GKAP1: variants seen among roughly 807,000 people sequenced by gnomAD.
GKAP1 encodes G kinase anchoring protein 1.
GKAP1 carries 31 observed loss-of-function variants against 56.7 expected under a neutral mutation model. The observed-to-expected ratio is 0.55, with a 90% CI of 0.41 to 0.74. The LOEUF (loss-of-function observed/expected upper bound fraction) is 0.74. Among genes scored for constraint, GKAP1 ranks in the 30% least tolerant of loss-of-function variants. The probability of loss-of-function intolerance (pLI) is 0.00; values close to 1 mark genes in which losing one functional copy is unlikely to be tolerated. For missense variants in GKAP1, 364 were observed against 402.3 expected (o/e 0.90, Z 0.82); for synonymous variants, 151 against 138.6 (o/e 1.09, Z -0.63).
At chr9:83,786,735 T>G (rs946444703) in intron 5 of GKAP1, among the ~76,000 whole-genome samples, 1 of 152,190 alleles carries the variant, frequency 6.6e-6, no homozygotes. Context: ...AAGAAGTTCC[T>G]CCCTTCTCTT....
At chr9:83,752,314 G>A (rs534399290) in intron 9 of GKAP1, among the ~76,000 whole-genome samples, 1 of 152,184 alleles carries the variant, frequency 6.6e-6, no homozygotes, top group African/African-American at 2.4e-5. Context: ...TACTTGGGAG[G>A]CTGAGGCAGG....
At chr9:83,793,135 T>A (rs1944190162) in intron 4 of GKAP1, 2 of 250,962 alleles carry the variant, frequency 8.0e-6, no homozygotes, top group South Asian at 5.7e-5. Flanking sequence ...TAACATTTTT[T>A]AAAAATTAAT....
At chr9:83,814,834 T>C (rs747922860) in intron 2 of GKAP1, among the ~76,000 whole-genome samples, 3 of 152,252 alleles carry the variant, frequency 2.0e-5, no homozygotes, top group African/African-American at 7.2e-5. Flanking sequence ...AACAAACTAA[T>C]TGCCACAACC....
intron 7 of GKAP1, among the ~76,000 whole-genome samples, chr9:83,773,754 T>C (rs546908322): frequency 1.3e-5 from 2 of 152,314 alleles, no homozygotes; most frequent in South Asian, 2.1e-4. Flanking sequence ...CTTTTTATTA[T>C]GAAAATTTTC....
intron 9 of GKAP1, chr9:83,748,850 G>A (rs1429115530): frequency 1.3e-5 from 2 of 152,138 alleles, no homozygotes; most frequent in Non-Finnish European, 2.9e-5. Flanking sequence ...TGAGAAAAAT[G>A]AATTTTTAAT....
At chr9:83,796,460 C>T (rs1944249335) in intron 4 of GKAP1, among the ~76,000 whole-genome samples, 4 of 152,080 alleles carry the variant, frequency 2.6e-5, no homozygotes, top group Non-Finnish European at 5.9e-5. Flanking sequence ...TTTTAAAATT[C>T]ACCCATCTCA....
intron 3 of GKAP1, among the ~76,000 whole-genome samples, chr9:83,802,365 G>T (rs1411959190): frequency 7.6e-6 from 1 of 131,184 alleles, no homozygotes; most frequent in African/African-American, 3.1e-5. Context: ...TGTAGTCCCA[G>T]CTACTCGAGA....
At chr9:83,742,983 C>T (rs572545371) in intron 10 of GKAP1, among the ~76,000 whole-genome samples, 2 of 152,068 alleles carry the variant, frequency 1.3e-5, no homozygotes, top group Admixed American at 6.5e-5. Context: ...ATGGCAAAAC[C>T]CTGTCTCTAC....
At chr9:83,747,576 T>C (rs879382168) in intron 10 of GKAP1, among the ~76,000 whole-genome samples, 5 of 152,100 alleles carry the variant, frequency 3.3e-5, no homozygotes, top group Non-Finnish European at 7.4e-5. Flanking sequence ...AGTTATAAAC[T>C]GGTATAAAAC....
chr9:83,780,211 A>G (rs1344213009), intron 7 of GKAP1, among the ~76,000 whole-genome samples, 171 bp downstream of exon 7: 3 of 152,020 alleles, frequency 2.0e-5, no homozygotes, highest in African/African-American at 7.2e-5. Flanking sequence ...TTCTACAACA[A>G]TGCATTTTAC....
At chr9:83,764,346 C>A (rs1325490418) in intron 8 of GKAP1, among the ~76,000 whole-genome samples, 1 of 152,142 alleles carries the variant, frequency 6.6e-6, no homozygotes, top group African/African-American at 2.4e-5. Flanking sequence ...GCTCAGCACT[C>A]GTTCTGTCTT....
intron 5 of GKAP1, among the ~76,000 whole-genome samples, chr9:83,787,205 T>C (rs1944079714): frequency 6.6e-6 from 1 of 152,214 alleles, no homozygotes; most frequent in Admixed American, 6.5e-5. Context: ...TCCTTTTCCC[T>C]TGAACTATAA....
intron 4 of GKAP1, among the ~76,000 whole-genome samples, chr9:83,789,764 G>C (rs1944124309): frequency 9.5e-6 from 1 of 105,278 alleles, no homozygotes; most frequent in Admixed American, 1.2e-4. Context: ...GAGAACAAAG[G>C]AAAAGCAGGT....
intron 4 of GKAP1, among the ~76,000 whole-genome samples, chr9:83,797,460 T>A (rs550510995): frequency 6.6e-5 from 10 of 152,224 alleles, no homozygotes; most frequent in African/African-American, 2.4e-4. Context: ...ATATTGTCCA[T>A]CAGTTGCAAG....
chr9:83,746,554 T>A (rs1016808514), intron 10 of GKAP1, among the ~76,000 whole-genome samples: 3 of 152,008 alleles, frequency 2.0e-5, no homozygotes, highest in Admixed American at 1.3e-4. Flanking sequence ...TACAAAAAAA[T>A]TAGCCAGACG....
At chr9:83,778,995 T>C (rs1371441562) in intron 7 of GKAP1, among the ~76,000 whole-genome samples, 1 of 152,042 alleles carries the variant, frequency 6.6e-6, no homozygotes, top group Non-Finnish European at 1.5e-5. Flanking sequence ...TTTGTCTTCT[T>C]TCAAATCAGG....
chr9:83,762,044 G>T (rs899250586), intron 8 of GKAP1, among the ~76,000 whole-genome samples: 19 of 149,108 alleles, frequency 1.3e-4, no homozygotes, highest in Non-Finnish European at 1.0e-4. Flanking sequence ...AGTACTGGAA[G>T]TCCTAGCTAG....
rs1335771618 is a variant in GKAP1, at chr9:83,783,452, C to T, written c.562+1263G>A. On this transcript the variant is annotated intron_variant, in intron 6 of 12. Coordinates refer to ENST00000376371, the MANE Select transcript of GKAP1 (RefSeq NM_025211.4). ...TTTTAATTTTTATTAAATTGCCACACATGAATAGTAGCTACCATACTGTAC... is the reference window on the plus strand; with the variant it reads ...TTTTAATTTTTATTAAATTGCCACATATGAATAGTAGCTACCATACTGTAC... 2.6e-5 allele frequency among the ~76,000 whole-genome samples: 4 copies of T among 152,296 alleles called. No homozygotes were observed. The South Asian group carries it at 6.2e-4, about 24-fold the overall frequency.
chr9:83,799,288 G>C lies in GKAP1; in HGVS notation c.257C>G (p.Ser86Cys). Residue 86 changes from serine (S) to cysteine (C), a missense_variant, in exon 4 of 13, where the codon TCC becomes TGC. Ser to Cys is a moderately radical substitution (Grantham distance 112). Coordinates refer to ENST00000376371, the MANE Select transcript of GKAP1 (RefSeq NM_025211.4). ...LAFKKIPQKSSHAVCNAQHDL... is the reference protein window; with the variant it reads ...LAFKKIPQKSCHAVCNAQHDL... ...ATGTTGAGCGTTACAAACAGCATGG[G>C]AGGATTTCTGGGGAATTTTCTTAAA... is the stretch of plus-strand genomic sequence containing the variant. The C allele has an allele frequency of 6.3e-7, 1 of 1,599,764 alleles. No homozygotes were observed.
Sources: allele counts gnomAD v4.1 joint callset (sites outside exome capture counted in the v4.1 genomes callset), GRCh38; gene constraint gnomAD v4.1.1; transcripts MANE v1.5; gene names NCBI Gene and HGNC (gene_info 2026-07-23, HGNC 2026-07-21).